TP73: variants seen among roughly 807,000 people sequenced by gnomAD.
TP73 encodes the protein tumor protein p73, also known as p53-like transcription factor.
A neutral mutation model predicts 62.5 loss-of-function variants in TP73; 25 were observed. The ratio of observed to expected loss-of-function variants is 0.40; its 90% CI spans 0.29 to 0.56. The LOEUF (loss-of-function observed/expected upper bound fraction) is 0.56, where lower values mean the gene tolerates loss of function less well. Ranked by LOEUF, TP73 falls within the 20% of genes least tolerant of loss-of-function variation. The pLI, the probability that TP73 is intolerant of heterozygous loss-of-function variation, is 0.46. For missense variants in TP73, 754 were observed against 913.3 expected, an observed-to-expected ratio of 0.83 and a Z score of 2.25; for synonymous variants, 423 against 377.5, an observed-to-expected ratio of 1.12 and a Z score of -1.40.
At chr1:3,708,768 G>T (rs780024596) in intron 4 of TP73, among the ~76,000 whole-genome samples, 4 of 152,148 alleles carry the variant, frequency 2.6e-5, no homozygotes, top group Non-Finnish European at 5.9e-5. Context: ...CTCCTGCACC[G>T]AGGAGGGGGC....
chr1:3,673,190 C>T (rs536056020), intron 1 of TP73, among the ~76,000 whole-genome samples: 2 of 152,332 alleles, frequency 1.3e-5, no homozygotes, highest in East Asian at 3.9e-4. Flanking sequence ...CAAAAGGGTG[C>T]GGAGACCACT....
intron 1 of TP73, among the ~76,000 whole-genome samples, chr1:3,679,537 GTCTC>G (rs1225704827): frequency 2.8e-5 from 4 of 140,626 alleles, no homozygotes; most frequent in Non-Finnish European, 6.0e-5. Context: ...CCATCTCTCT[GTCTC>G]TCTTTGTCCT....
At chr1:3,728,087 G>A in intron 8 of TP73, 42 bp from the exon 9 acceptor site, 1 of 1,574,482 alleles carries the variant, frequency 6.4e-7, no homozygotes, top group South Asian at 1.1e-5. Context: ...CTCACCCTCT[G>A]GTCCTGCCTG....
intron 4 of TP73, among the ~76,000 whole-genome samples, chr1:3,719,626 C>A (rs368630758): frequency 3.9e-5 from 6 of 152,246 alleles, no homozygotes; most frequent in East Asian, 1.9e-4. Flanking sequence ...GTCTGTGCTG[C>A]GAGCTGTTCC....
At chr1:3,693,810 GCCTCAGCCCCTCCTCCCGCAATC>G (rs1638331166) in intron 3 of TP73, among the ~76,000 whole-genome samples, 1 of 106,728 alleles carries the variant, frequency 9.4e-6, no homozygotes, top group South Asian at 3.3e-4. Context: ...CAGCCCTGCA[GCCTCAGCCCCTCCTCCCGCAATC>G]CCAGCCATGC....
At position 3,696,008 on chromosome 1, in the gene TP73, G is replaced by A. The variant is rs1357297629; in HGVS notation, c.187-11541G>A. Among the ~76,000 whole-genome samples the A allele has an allele frequency of 6.6e-6, 1 of 152,200 alleles. No homozygotes were observed. Among genetic ancestry groups the A allele is most frequent in the African/African-American group, 2.4e-5 (1 of 41,454 alleles). On this transcript the variant is annotated intron_variant, in intron 3 of 13. Coordinates refer to ENST00000378295, the MANE Select transcript of TP73 (RefSeq NM_005427.4). The surrounding 1 kb of genome is among the most constrained non-coding windows in gnomAD (Gnocchi z 4.1). ...GAGCAGGGGTGAAAACGCCGCGGTC[G>A]GCCGTGGCTGTGTTGGAGATGCCCG...
intron 5 of TP73, among the ~76,000 whole-genome samples, chr1:3,722,694 GTGGGCACCTCTCTGCACCTGGCACAGGGC>G (rs1557572321): frequency 9.1e-6 from 1 of 110,040 alleles, no homozygotes; most frequent in Non-Finnish European, 1.7e-5. Flanking sequence ...TGGCACAGGG[GTGGGCACCTCTCTGCACCTGGCACAGGGC>G]TGGGCACCTC....
In TP73 at chr1:3,662,562, C is replaced by T. The variant is rs553538849; in HGVS notation, c.-34+9921C>T. On this transcript the variant is annotated intron_variant, in intron 1 of 13. Transcript: ENST00000378295. This position sits in a 1 kb window ranked among gnomAD's most constrained non-coding sequence, Gnocchi z 4.4. ...TCTCCTCCCGGCATAGAGACCTTTACGAATGGAAATGTCTTTCATTTCTCT... is the reference window on the plus strand; with the variant it reads ...TCTCCTCCCGGCATAGAGACCTTTATGAATGGAAATGTCTTTCATTTCTCT... Among the ~76,000 whole-genome samples, 2 of 152,238 alleles carry T rather than the reference C, an allele frequency of 1.3e-5. No individual in the cohort carries two copies. The highest frequency in any genetic ancestry group is 1.3e-4 in the Admixed American group (2 of 15,286).
At chr1:3,657,596 T>A (rs1557477531) in intron 1 of TP73, among the ~76,000 whole-genome samples, 1 of 152,232 alleles carries the variant, frequency 6.6e-6, no homozygotes, top group Non-Finnish European at 1.5e-5. Flanking sequence ...TTTTGCTTCA[T>A]GTATTTAAAA....
chr1:3,688,487 C>T (rs531111671), intron 3 of TP73, among the ~76,000 whole-genome samples: 5 of 152,214 alleles, frequency 3.3e-5, no homozygotes, highest in Non-Finnish European at 5.9e-5. Context: ...GTCGTTCCCC[C>T]CTGTCCTGCG....
At chr1:3,728,267 C>G (rs765010841) in intron 9 of TP73, 50 bp downstream of exon 9, 1 of 1,581,050 alleles carries the variant, frequency 6.3e-7, no homozygotes. Flanking sequence ...TCACCTCTGT[C>G]GTCTGCTGAG....
At chr1:3,726,805 A>G (rs1200925117) in intron 6 of TP73, among the ~76,000 whole-genome samples, 18 of 125,380 alleles carry the variant, frequency 1.4e-4, no homozygotes, top group South Asian at 3.1e-4. Context: ...TAGATAATAA[A>G]TGGGGGAGTG....
Position 3,729,574 on chromosome 1 carries a change from C to T in TP73, c.1196+126C>T, listed in dbSNP as rs1276038397. 4 of 1,510,018 alleles carry T rather than the reference C, an allele frequency of 2.6e-6. 1 individual carries two copies. Among genetic ancestry groups the T allele is most frequent in the East Asian group, 2.3e-5 (1 of 43,996 alleles). The allele number at this position is 1,510,018 out of a possible 1,614,324, so 93.5% of individuals were successfully genotyped here. A position where few individuals can be genotyped will look rare whatever the true frequency, so the allele number is the denominator to read the frequency against. ...TCTGCCAGGGACAGGCAGCAGGGTC[C>T]AGAGCAGAGCCCACCCCACATCTCC... On this transcript the variant is annotated intron_variant, in intron 10 of 13. Transcript: ENST00000378295.
intron 4 of TP73, among the ~76,000 whole-genome samples, chr1:3,713,330 C>T (rs1456864063): frequency 6.6e-6 from 1 of 152,218 alleles, no homozygotes; most frequent in Non-Finnish European, 1.5e-5. Flanking sequence ...GCCCCCTCTG[C>T]CTTCACCCCT....
At chr1:3,706,301 G>C (rs563907073) in intron 3 of TP73, among the ~76,000 whole-genome samples, 1 of 151,924 alleles carries the variant, frequency 6.6e-6, no homozygotes, top group Non-Finnish European at 1.5e-5. Context: ...TGTAAAATGG[G>C]GACAATCATG....
chr1:3,673,706 C>T (rs1449580830), intron 1 of TP73, among the ~76,000 whole-genome samples: 2 of 152,164 alleles, frequency 1.3e-5, no homozygotes, highest in East Asian at 1.9e-4. Context: ...CTTGGTATGA[C>T]CCAAACACAT....
rs373204381 is a variant in TP73, at chr1:3,726,536, A to G, written c.733-579A>G. Among the ~76,000 whole-genome samples the G allele has an allele frequency of 8.2e-5, 11 of 134,636 alleles. 1 individual carries two copies. The East Asian group carries it at 1.0e-3, about 13-fold the overall frequency. The allele number at this position is 134,636 out of a possible 152,430, so 88.3% of individuals were successfully genotyped here. On this transcript the variant is annotated intron_variant, in intron 6 of 13. Transcript: ENST00000378295. Reference sequence around the variant, plus strand: ...GGATGAATGGATGGATGGATATTGAATGGATGGGTAGGTGGATGGATGGGT... The same window carrying G: ...GGATGAATGGATGGATGGATATTGAGTGGATGGGTAGGTGGATGGATGGGT...
chr1:3,689,877 G>C (rs3765724), intron 3 of TP73, among the ~76,000 whole-genome samples: 56,999 of 152,006 alleles, frequency 0.37, 11,041 homozygotes, highest in African/African-American at 0.46. Flanking sequence ...CTTCCAGGGG[G>C]ACTCGGGCCC....
chr1:3,673,824 A>G (rs1342140530), intron 1 of TP73, among the ~76,000 whole-genome samples: 2 of 152,202 alleles, frequency 1.3e-5, no homozygotes, highest in African/African-American at 4.8e-5. Flanking sequence ...ATGGACAGGC[A>G]GGGGATTTCC....
Sources: allele counts gnomAD v4.1 joint callset (sites outside exome capture counted in the v4.1 genomes callset), GRCh38; gene constraint gnomAD v4.1.1; non-coding constraint Gnocchi (gnomAD v3.1); transcripts MANE v1.5; gene names NCBI Gene and HGNC (gene_info 2026-07-23, HGNC 2026-07-21).